Variants in URGCP observed in about 807,000 individuals in gnomAD.
The protein encoded by URGCP is upregulator of cell proliferation, also known as up-regulator of cell proliferation.
In URGCP, 13 loss-of-function variants were observed where a neutral mutation model predicts 24.6. The observed-to-expected ratio is 0.53, with a 90% CI of 0.34 to 0.84. The LOEUF (loss-of-function observed/expected upper bound fraction) is 0.84, where lower values mean the gene tolerates loss of function less well. Among genes scored for constraint, URGCP ranks in the 40% least tolerant of loss-of-function variants. The pLI is 0.01. For missense variants in URGCP, 899 were observed against 1,194.3 expected (o/e 0.75, Z 3.64); for synonymous variants, 444 against 487.2 (o/e 0.91, Z 1.17).
At chr7:43,919,663 A>G (rs2095919873) in intron 1 of URGCP, 1 of 1,372,856 alleles carries the variant, frequency 7.3e-7, no homozygotes, top group Non-Finnish European at 1.0e-6. Flanking sequence ...ACCATCCTCA[A>G]CACCATCCAG....
intron 1 of URGCP, 51 bp downstream of exon 1, chr7:43,906,511 C>G: frequency 8.4e-7 from 1 of 1,189,236 alleles, no homozygotes; most frequent in Non-Finnish European, 1.0e-6. Flanking sequence ...GGTCCCGCTC[C>G]CGTTCCTGCC....
chr7:43,890,706 C>G (rs1036246217), intron 1 of URGCP, among the ~76,000 whole-genome samples: 1 of 152,194 alleles, frequency 6.6e-6, no homozygotes, highest in Non-Finnish European at 1.5e-5. Flanking sequence ...GCAGGGGTGA[C>G]CTGATCGCCA....
chr7:43,918,132 G>A (rs1265419202), intron 1 of URGCP, among the ~76,000 whole-genome samples: 2 of 151,796 alleles, frequency 1.3e-5, no homozygotes, highest in African/African-American at 4.8e-5. Flanking sequence ...AAATTAGTTG[G>A]GCATGGTGGT....
chr7:43,890,284 G>A (rs533482604), intron 1 of URGCP, among the ~76,000 whole-genome samples: 4 of 142,568 alleles, frequency 2.8e-5, no homozygotes, highest in East Asian at 2.1e-4. Context: ...GCGTGATCTC[G>A]ACTCACTGCA....
intron 1 of URGCP, among the ~76,000 whole-genome samples, chr7:43,894,495 G>C (rs1287193311): frequency 6.6e-6 from 1 of 151,936 alleles, no homozygotes; most frequent in Non-Finnish European, 1.5e-5. Context: ...ACTAACTACA[G>C]GTGCATGCCA....
chr7:43,887,956 G>A, intron 1 of URGCP, 140 bp from the exon 2 acceptor site: 2 of 601,124 alleles, frequency 3.3e-6, no homozygotes, highest in Non-Finnish European at 2.9e-6. Flanking sequence ...AATACGCTAT[G>A]GATTTCTTTT....
In URGCP at chr7:43,877,261, T is replaced by C. The variant is rs2095846096; in HGVS notation, c.2202A>G (p.Thr734=). ...GPRGAFMQLI[T]VAEGFSQDLG... ...GGTCCTGGCTGAAGCCCTCAGCCAC[T>C]GTGATGAGCTGCATGAAGGCCCCTC... is the stretch of plus-strand genomic sequence containing the variant. The change falls in exon 6 of 6, where the codon ACA becomes ACG. Residue 734 remains threonine (T), a synonymous_variant. Transcript: ENST00000453200. 3.1e-6 allele frequency: 5 copies of C among 1,613,964 alleles called. No homozygotes were observed. Among genetic ancestry groups the C allele is most frequent in the Non-Finnish European group, 8.5e-7 (1 of 1,180,036 alleles).
chr7:43,926,587 G>A, upstream of URGCP: 1 of 1,557,910 alleles, frequency 6.4e-7, no homozygotes, highest in African/African-American at 1.4e-5. Flanking sequence ...CAACTCTTTG[G>A]GTGTCCGAAG....
At chr7:43,910,139 C>G (rs543453060), upstream of URGCP, among the ~76,000 whole-genome samples, 1 of 151,978 alleles carries the variant, frequency 6.6e-6, no homozygotes, top group Non-Finnish European at 1.5e-5. Flanking sequence ...CTTTGGGAGG[C>G]CAAGGCAGAA....
At chr7:43,918,262 CAAAAA>C (rs757829729) in intron 1 of URGCP, among the ~76,000 whole-genome samples, 2 of 55,230 alleles carry the variant, frequency 3.6e-5, no homozygotes, top group South Asian at 5.9e-4. Flanking sequence ...CAATAGACCT[CAAAAA>C]AAAAAAAAAA....
intron 1 of URGCP, among the ~76,000 whole-genome samples, chr7:43,901,958 G>A (rs928138643): frequency 6.6e-6 from 1 of 152,172 alleles, no homozygotes; most frequent in African/African-American, 2.4e-5. Flanking sequence ...ATGTTCCTGA[G>A]AGGAGCAGCC....
At chr7:43,918,262 C>CAA (rs757829729) in intron 1 of URGCP, among the ~76,000 whole-genome samples, 67 of 55,204 alleles carry the variant, frequency 1.2e-3, no homozygotes, top group African/African-American at 3.5e-3. Flanking sequence ...CAATAGACCT[C>CAA]AAAAAAAAAA....
At chr7:43,903,972 G>A (rs753800516) in intron 1 of URGCP, among the ~76,000 whole-genome samples, 6 of 152,174 alleles carry the variant, frequency 3.9e-5, no homozygotes, top group Non-Finnish European at 5.9e-5. Flanking sequence ...CCAAGCAAGG[G>A]GCAAAGACAA....
Position 43,887,489 on chromosome 7 carries a change from A to C in URGCP, c.42-4T>G. On this transcript the variant is annotated splice_region_variant and splice_polypyrimidine_tract_variant and intron_variant, in intron 2 of 5. Transcript: ENST00000453200. ...TACTTCTCCCAAATCTGAATGCCTG[A>C]AACAATTTCAGAAGAAAATTATAAT... 6.2e-7 allele frequency: 1 copy of C among 1,613,530 alleles called. No homozygotes were observed. Among genetic ancestry groups the C allele is most frequent in the South Asian group, 1.1e-5 (1 of 90,914 alleles).
upstream of URGCP, among the ~76,000 whole-genome samples, chr7:43,907,572 A>G (rs1278334586): frequency 6.6e-6 from 1 of 152,154 alleles, no homozygotes; most frequent in Non-Finnish European, 1.5e-5. Flanking sequence ...AATACAAGAC[A>G]GCAAAGCAGT....
chr7:43,905,233 C>G (rs1278260382), intron 1 of URGCP, among the ~76,000 whole-genome samples: 1 of 150,588 alleles, frequency 6.6e-6, no homozygotes, highest in East Asian at 2.0e-4. Flanking sequence ...AGGGCAGCCC[C>G]ACACAGGTTC....
intron 1 of URGCP, among the ~76,000 whole-genome samples, chr7:43,912,267 G>A (rs989572248): frequency 6.6e-6 from 1 of 152,202 alleles, no homozygotes; most frequent in Non-Finnish European, 1.5e-5. Flanking sequence ...GGAGGCTGAG[G>A]CTGTTGGATT....
At chr7:43,926,700 G>A (rs2095931772), upstream of URGCP, 1 of 893,684 alleles carries the variant, frequency 1.1e-6, no homozygotes, top group Non-Finnish European at 1.6e-6. Context: ...ACAGCCTCCC[G>A]CGCAGCCTGA....
At chr7:43,888,837 G>A (rs2095866119) in intron 1 of URGCP, 1 of 152,236 alleles carries the variant, frequency 6.6e-6, no homozygotes, top group African/African-American at 2.4e-5. Context: ...CACTGTTGTG[G>A]CAATGGGCAT....
Sources: allele counts gnomAD v4.1 joint callset (sites outside exome capture counted in the v4.1 genomes callset), GRCh38; gene constraint gnomAD v4.1.1; transcripts MANE v1.5; gene names NCBI Gene and HGNC (gene_info 2026-07-23, HGNC 2026-07-21).